The following MANBA variants were observed in gnomAD, a reference collection of about 807,000 sequenced individuals.
MANBA encodes the protein beta-mannosidase.
A neutral mutation model predicts 111.1 loss-of-function variants in MANBA; 83 were observed. That is an observed-to-expected ratio of 0.75 (90% confidence interval 0.63 to 0.90). MANBA has a LOEUF of 0.90. MANBA is among the 40% of genes least tolerant of loss of function. The pLI is 0.00. For synonymous variants in MANBA, 370 were observed against 378.7 expected (o/e 0.98, Z 0.27); for missense variants, 1,036 against 1,069.0 (o/e 0.97, Z 0.43).
At chr4:102,751,888 T>C in intron 1 of MANBA, 5 of 588,892 alleles carry the variant, frequency 8.5e-6, no homozygotes, top group Non-Finnish European at 1.7e-5. Context: ...AGTGCCTCTA[T>C]GGATCCAACT....
intron 5 of MANBA, among the ~76,000 whole-genome samples, chr4:102,698,756 G>A (rs1480152091): frequency 2.0e-5 from 3 of 151,566 alleles, no homozygotes; most frequent in African/African-American, 7.3e-5. Flanking sequence ...TTTGGTTACT[G>A]TAGCCTTGTA....
At chr4:102,730,842 C>T (rs772844075) in intron 1 of MANBA, 13 of 379,894 alleles carry the variant, frequency 3.4e-5, no homozygotes, top group East Asian at 3.1e-4. Context: ...TTCTTCCTTG[C>T]GCCTAGTTAC....
In MANBA at chr4:102,729,200, TG is replaced by T. The variant is rs1442815456; in HGVS notation, c.178-2518del. On this transcript the variant is annotated intron_variant, in intron 1 of 16. Coordinates refer to ENST00000647097, the MANE Select transcript of MANBA (RefSeq NM_005908.4). ...CCCTCCAGGGAAGCCCTCTGGCCTTTGAGGCCCTCAGTCTCAGCCTGGAGCT... is the reference window on the plus strand; with the variant it reads ...CCCTCCAGGGAAGCCCTCTGGCCTTTAGGCCCTCAGTCTCAGCCTGGAGCT... The T allele has an allele frequency of 1.2e-5, 9 of 727,564 alleles. No homozygotes were observed. In the African/African-American group the frequency reaches 1.6e-4, roughly 13 times the overall value. The allele number at this position is 727,564 out of a possible 1,614,324, so 45.1% of individuals were successfully genotyped here.
Position 102,683,103 on chromosome 4 carries a change from T to C in MANBA, c.960+6471A>G, listed in dbSNP as rs529303491. On this transcript the variant is annotated intron_variant, in intron 7 of 16. Coordinates refer to ENST00000647097, the MANE Select transcript of MANBA (RefSeq NM_005908.4). ...AAAAATTCCACTAGTATTATGTTGG[T>C]TTTTTGCCCTGTGCAATTTGCAAAG... 1.1e-4 allele frequency among the ~76,000 whole-genome samples: 16 copies of C among 152,084 alleles called. No individual in the cohort carries two copies. The South Asian group carries it at 3.3e-3, about 32-fold the overall frequency.
chr4:102,758,551 C>CTT (rs374542775), intron 1 of MANBA, among the ~76,000 whole-genome samples: 13 of 137,136 alleles, frequency 9.5e-5, no homozygotes, highest in Non-Finnish European at 1.6e-4. Context: ...TACTTTTTTT[C>CTT]TTTTTTTTTT....
intron 4 of MANBA, among the ~76,000 whole-genome samples, chr4:102,719,046 G>A (rs555744703): frequency 5.9e-5 from 9 of 152,300 alleles, no homozygotes; most frequent in South Asian, 4.1e-4. Context: ...AACAGGGTTC[G>A]AGAGCAGAGA....
intron 1 of MANBA, chr4:102,729,456 G>A (rs1722944303): frequency 7.8e-7 from 1 of 1,287,672 alleles, no homozygotes. Flanking sequence ...ATGTGTCCGA[G>A]ATCTGGGACT....
At chr4:102,671,473 A>G in intron 8 of MANBA, 75 bp from the exon 9 acceptor site, 1 of 866,720 alleles carries the variant, frequency 1.2e-6, no homozygotes. Flanking sequence ...CACATTTCTA[A>G]TCTGTTAGAA....
rs781189587 is a variant in MANBA, at chr4:102,634,815, G to T, written c.2388C>A (p.Ala796=). 6.2e-7 allele frequency: 1 copy of T among 1,614,030 alleles called. No homozygotes were observed. The highest frequency in any genetic ancestry group is 1.7e-5 in the Admixed American group (1 of 60,026). Residue 796 remains alanine (A), a synonymous_variant, in exon 16 of 17, where the codon GCC becomes GCA. Coordinates refer to ENST00000647097, the MANE Select transcript of MANBA (RefSeq NM_005908.4). ...NYHFLSSPKE[A]VGLCKAQITA... Reference sequence around the variant, plus strand: ...TGATCTGCGCCTTGCAGAGCCCCACGGCCTCCTTCGGTGAGGACAAGAAGT... The same window carrying T: ...TGATCTGCGCCTTGCAGAGCCCCACTGCCTCCTTCGGTGAGGACAAGAAGT...
Position 102,635,458 on chromosome 4 carries a change from C to T in MANBA, c.2157+407G>A, listed in dbSNP as rs541589990. On this transcript the variant is annotated intron_variant, in intron 15 of 16. Transcript: ENST00000647097. ...TTAAAACAAATTTGCTTTCCACATGCGCATTCTGAATAGTTTTACTGATTT... is the reference window on the plus strand; with the variant it reads ...TTAAAACAAATTTGCTTTCCACATGTGCATTCTGAATAGTTTTACTGATTT... Among the ~76,000 whole-genome samples, 8 of 152,250 alleles carry T rather than the reference C, an allele frequency of 5.3e-5. No individual in the cohort carries two copies. The South Asian group carries it at 1.0e-3, about 20-fold the overall frequency.
chr4:102,678,667 A>C (rs1422854271), intron 7 of MANBA, among the ~76,000 whole-genome samples: 1 of 152,218 alleles, frequency 6.6e-6, no homozygotes, highest in African/African-American at 2.4e-5. Context: ...TCTATTCCTC[A>C]CTAGATCAGT....
At chr4:102,729,427 T>C in intron 1 of MANBA, 1 of 1,239,036 alleles carries the variant, frequency 8.1e-7, no homozygotes, top group Non-Finnish European at 1.2e-6. Context: ...GCGGCTGTTG[T>C]CCATGGGCAG....
intron 7 of MANBA, among the ~76,000 whole-genome samples, chr4:102,688,378 TC>T (rs1233414671): frequency 4.6e-5 from 4 of 87,250 alleles, no homozygotes; most frequent in Non-Finnish European, 7.4e-5. Context: ...CTCTCTCCCC[TC>T]CCCCCTTACA....
In MANBA at chr4:102,717,177, T is replaced by C. The variant is rs530096511; in HGVS notation, c.550-2616A>G. Among the ~76,000 whole-genome samples the C allele has an allele frequency of 3.8e-3, 575 of 152,300 alleles. 1 individual carries two copies. Among genetic ancestry groups the C allele is most frequent in the Middle Eastern group, 0.017 (5 of 294 alleles). On this transcript the variant is annotated intron_variant, in intron 4 of 16. Transcript: ENST00000647097. Reference sequence around the variant, plus strand: ...AGAAGTATTTATTAAGTGCCTTCTATGTTTCAGGCTGGGAGTACTTCAATA... The same window carrying C: ...AGAAGTATTTATTAAGTGCCTTCTACGTTTCAGGCTGGGAGTACTTCAATA...
chr4:102,723,703 C>T (rs185625218), intron 3 of MANBA, among the ~76,000 whole-genome samples, 159 bp downstream of exon 3: 6 of 152,278 alleles, frequency 3.9e-5, no homozygotes, highest in Non-Finnish European at 5.9e-5. Flanking sequence ...TCCATTATTC[C>T]ACAAATGTGG....
intron 4 of MANBA, among the ~76,000 whole-genome samples, chr4:102,716,233 C>T (rs536932310): frequency 2.1e-5 from 3 of 143,386 alleles, no homozygotes; most frequent in Non-Finnish European, 3.0e-5. Flanking sequence ...CGCTTGAACC[C>T]GGGAGGCGGA....
intron 7 of MANBA, chr4:102,681,730 A>G (rs1037938763): frequency 6.6e-6 from 1 of 152,236 alleles, no homozygotes; most frequent in Non-Finnish European, 1.5e-5. Flanking sequence ...TGTATAGGGC[A>G]GGGAATGGAA....
chr4:102,751,880 T>C, intron 1 of MANBA: 1 of 571,508 alleles, frequency 1.7e-6, no homozygotes, highest in Non-Finnish European at 3.4e-6. Context: ...TATTTGTGAG[T>C]GCCTCTATGG....
At chr4:102,696,099 G>A (rs1326535929) in intron 5 of MANBA, among the ~76,000 whole-genome samples, 2 of 152,030 alleles carry the variant, frequency 1.3e-5, no homozygotes, top group African/African-American at 4.8e-5. Flanking sequence ...GTGGTGGCAC[G>A]CCTGTGGTCC....
Sources: gnomAD v4.1 joint callset for allele counts (sites outside exome capture counted in the v4.1 genomes callset) on GRCh38, gnomAD v4.1.1 for gene constraint, MANE v1.5 for transcripts, NCBI Gene and HGNC (gene_info 2026-07-23, HGNC 2026-07-21) for gene names.